Variants in CHRDL1 observed in about 807,000 individuals in gnomAD.
CHRDL1 encodes the protein chordin-like protein 1.
A neutral mutation model predicts 40.9 loss-of-function variants in CHRDL1; 19 were observed. The ratio of observed to expected loss-of-function variants is 0.46; its 90% CI spans 0.32 to 0.68. The LOEUF is 0.68. Among genes scored for constraint, CHRDL1 ranks in the 30% least tolerant of loss-of-function variants. The probability of loss-of-function intolerance (pLI) is 0.03; values close to 1 mark genes in which losing one functional copy is unlikely to be tolerated. For missense variants in CHRDL1, 329 were observed against 352.1 expected (o/e 0.93, Z 0.53); for synonymous variants, 136 against 123.4 (o/e 1.10, Z -0.68).
At chrX:110,759,630 A>G in intron 4 of CHRDL1, 31 bp downstream of exon 4, 1 of 1,000,446 alleles carries the variant, frequency 1.0e-6, no homozygotes, top group Non-Finnish European at 1.4e-6. Context: ...GGAGAACCAC[A>G]GCTAGGAAAG....
intron 7 of CHRDL1, among the ~76,000 whole-genome samples, chrX:110,700,258 A>G (rs1338944916): frequency 9.0e-6 from 1 of 111,128 alleles, no homozygotes; most frequent in Non-Finnish European, 1.9e-5. Flanking sequence ...GTTTATGTGG[A>G]CATGTCTGAA....
chrX:110,690,038 T>C (rs1471154318), intron 8 of CHRDL1, among the ~76,000 whole-genome samples: 1 of 60,253 alleles, frequency 1.7e-5, no homozygotes, highest in Non-Finnish European at 2.7e-5. Context: ...TCTATATATA[T>C]CTATATATAT....
chrX:110,774,115 T>C (rs1425936328), intron 2 of CHRDL1, among the ~76,000 whole-genome samples: 3 of 112,022 alleles, frequency 2.7e-5, no homozygotes, highest in East Asian at 5.6e-4. Flanking sequence ...TTTATTAATA[T>C]GTAATGCCCC....
At position 110,675,037 on chromosome X, in the gene CHRDL1, C is replaced by A. The variant is rs1282536110; in HGVS notation, c.*1194G>T. The A allele has an allele frequency of 1.8e-5, 2 of 111,846 alleles. No individual in the cohort carries two copies. Among genetic ancestry groups the A allele is most frequent in the Non-Finnish European group, 3.8e-5 (2 of 53,183 alleles). 9.2% of individuals were successfully genotyped at this position (111,846 alleles called of 1,213,427 possible). Reference sequence around the variant, plus strand: ...ATAAAGATCTTCATCAGAATATCCACCTCCCTAAATGAACAACAATTTTCT... The same window carrying A: ...ATAAAGATCTTCATCAGAATATCCAACTCCCTAAATGAACAACAATTTTCT... On this transcript the variant is annotated 3_prime_UTR_variant, in exon 12 of 12. Transcript: ENST00000372042.
In CHRDL1 at chrX:110,690,024, T is replaced by C. The variant is rs1274173133; in HGVS notation, c.779-1221A>G. On this transcript the variant is annotated intron_variant, in intron 8 of 11. Transcript: ENST00000372042. ...ATATCTATATATATCTATATATCTG[T>C]ATATCTATATATATCTATATATATA... Among the ~76,000 whole-genome samples the C allele has an allele frequency of 5.3e-5, 3 of 56,429 alleles. 1 individual carries two copies. Among genetic ancestry groups the C allele is most frequent in the Non-Finnish European group, 2.7e-5 (1 of 36,756 alleles). The allele number at this position is 56,429 out of a possible 115,157, so 49.0% of individuals were successfully genotyped here.
intron 1 of CHRDL1, among the ~76,000 whole-genome samples, chrX:110,793,214 G>C (rs1221944076): frequency 8.9e-6 from 1 of 112,150 alleles, no homozygotes; most frequent in African/African-American, 3.2e-5. Flanking sequence ...TGCACATAAA[G>C]AACTTGAAGG....
intron 2 of CHRDL1, among the ~76,000 whole-genome samples, chrX:110,782,600 A>T (rs2089963619): frequency 1.8e-5 from 2 of 112,586 alleles, no homozygotes; most frequent in South Asian, 3.7e-4. Flanking sequence ...GTCAAGTAAT[A>T]CTCAACAAAG....
chrX:110,773,377 T>G (rs1026634254), intron 2 of CHRDL1, among the ~76,000 whole-genome samples: 2 of 112,075 alleles, frequency 1.8e-5, no homozygotes, highest in African/African-American at 6.5e-5. Flanking sequence ...CTAAATAGTT[T>G]GGAATTGTAC....
At chrX:110,706,612 C>A (rs1263888939) in intron 6 of CHRDL1, among the ~76,000 whole-genome samples, 6 of 111,806 alleles carry the variant, frequency 5.4e-5, no homozygotes, top group Admixed American at 9.5e-5. Context: ...GAGAGGTAAA[C>A]TGTCCTCTCA....
intron 2 of CHRDL1, among the ~76,000 whole-genome samples, chrX:110,782,958 G>A (rs1022185467): frequency 1.8e-5 from 2 of 111,484 alleles, no homozygotes; most frequent in Non-Finnish European, 3.8e-5. Context: ...CAGCAACATG[G>A]GATTTGGCTA....
intron 11 of CHRDL1, among the ~76,000 whole-genome samples, chrX:110,679,108 T>A (rs1416415254): frequency 9.0e-6 from 1 of 111,575 alleles, no homozygotes; most frequent in Non-Finnish European, 1.9e-5. Flanking sequence ...AGGTATCCTA[T>A]GCTCAGACTA....
At chrX:110,735,695 C>T (rs182811103) in intron 4 of CHRDL1, among the ~76,000 whole-genome samples, 42 of 112,595 alleles carry the variant, frequency 3.7e-4, no homozygotes, top group Middle Eastern at 9.2e-3. Context: ...CTTGCAACAA[C>T]AGCCCAATGA....
intron 2 of CHRDL1, among the ~76,000 whole-genome samples, chrX:110,785,824 G>T (rs2090008733): frequency 9.0e-6 from 1 of 111,605 alleles, no homozygotes; most frequent in Non-Finnish European, 1.9e-5. Context: ...GCTTGCTTAG[G>T]GCATCTGATA....
intron 2 of CHRDL1, among the ~76,000 whole-genome samples, chrX:110,780,917 G>A (rs960139373): frequency 1.8e-5 from 2 of 111,166 alleles, no homozygotes; most frequent in African/African-American, 6.5e-5. Flanking sequence ...TGAGCTAAAA[G>A]TAGGTGCTCA....
rs1318432526 is a variant in CHRDL1, at chrX:110,689,484, C to CTATA, written c.779-685_779-682dup. Among the ~76,000 whole-genome samples the CTATA allele has an allele frequency of 1.2e-4, 4 of 34,243 alleles. No individual in the cohort carries two copies. In the African/African-American group the frequency reaches 1.6e-3, roughly 14 times the overall value. 29.7% of individuals were successfully genotyped at this position (34,243 alleles called of 115,157 possible). ...TATATATATCTATATATCTATATAT[C>CTATA]TATATCTCTATATATCTATATATCT... On this transcript the variant is annotated intron_variant, in intron 8 of 11. Transcript: ENST00000372042.
At chrX:110,783,498 A>G (rs1231472224) in intron 2 of CHRDL1, among the ~76,000 whole-genome samples, 1 of 112,532 alleles carries the variant, frequency 8.9e-6, no homozygotes, top group Non-Finnish European at 1.9e-5. Flanking sequence ...AAAATTGTTG[A>G]CATTACCAAG....
intron 4 of CHRDL1, among the ~76,000 whole-genome samples, chrX:110,748,466 C>T (rs1193323293): frequency 8.9e-6 from 1 of 111,866 alleles, no homozygotes; most frequent in Non-Finnish European, 1.9e-5. Flanking sequence ...CCTAGCATTT[C>T]ACACAGGCAG....
At chrX:110,692,873 G>C in intron 8 of CHRDL1, among the ~76,000 whole-genome samples, 1 of 112,166 alleles carries the variant, frequency 8.9e-6, no homozygotes, top group Non-Finnish European at 1.9e-5. Flanking sequence ...GCTTTGGCTT[G>C]ACTAGCTTTG....
At chrX:110,725,275 C>A (rs905462131) in intron 4 of CHRDL1, among the ~76,000 whole-genome samples, 4 of 112,049 alleles carry the variant, frequency 3.6e-5, no homozygotes, top group African/African-American at 9.7e-5. Context: ...CCCCTTATCC[C>A]AAATGTCTCT....
Sources: gnomAD v4.1 joint callset for allele counts (sites outside exome capture counted in the v4.1 genomes callset) on GRCh38, gnomAD v4.1.1 for gene constraint, MANE v1.5 for transcripts, NCBI Gene and HGNC (gene_info 2026-07-23, HGNC 2026-07-21) for gene names.